ERO1B: variants seen among roughly 807,000 people sequenced by gnomAD.
ERO1B encodes ERO1-like protein beta.
Under a neutral mutation model 75.3 loss-of-function variants are expected in ERO1B, and 49 were observed. The observed-to-expected ratio is 0.65, with a 90% CI of 0.52 to 0.83. ERO1B has a LOEUF of 0.83. Ranked by LOEUF, ERO1B falls within the 40% of genes least tolerant of loss-of-function variation. The pLI is 0.00. For synonymous variants in ERO1B, 191 were observed against 192.9 expected (o/e 0.99, Z 0.08); for missense variants, 512 against 560.1 (o/e 0.91, Z 0.87).
chr1:236,230,483 C>T (rs2102942656), intron 9 of ERO1B, among the ~76,000 whole-genome samples: 1 of 151,380 alleles, frequency 6.6e-6, no homozygotes, highest in African/African-American at 2.4e-5. Context: ...TATGGAGGTG[C>T]AGGCCTGTAA....
chr1:236,222,301 C>T (rs563406770), intron 13 of ERO1B, among the ~76,000 whole-genome samples: 9 of 152,166 alleles, frequency 5.9e-5, no homozygotes, highest in South Asian at 2.1e-4. Context: ...TTAGTAGAGA[C>T]GGGGTTTCGC....
chr1:236,250,601 A>ATATATATATATATATAT (rs1558515525), intron 4 of ERO1B, among the ~76,000 whole-genome samples: 1 of 63,948 alleles, frequency 1.6e-5, no homozygotes, highest in African/African-American at 5.6e-5. Flanking sequence ...ATATATATAT[A>ATATATATATATATATAT]TATATATATA....
intron 5 of ERO1B, 38 bp downstream of exon 5, chr1:236,249,844 CAAT>C (rs776438522): frequency 2.9e-6 from 4 of 1,381,268 alleles, no homozygotes; most frequent in Admixed American, 4.3e-5. Flanking sequence ...TTCTTGATAT[CAAT>C]GAGAATATTT....
chr1:236,224,975 T>C (rs1189352842), intron 13 of ERO1B, 95 bp downstream of exon 13: 4 of 1,159,346 alleles, frequency 3.5e-6, no homozygotes, highest in Non-Finnish European at 5.2e-6. Flanking sequence ...GACAAGAAGC[T>C]GGAAAACTGG....
chr1:236,225,093 T>C lies in ERO1B; in HGVS notation c.1099A>G (p.Lys367Glu). 1.2e-6 allele frequency: 2 copies of C among 1,613,904 alleles called. No homozygotes were observed. Among genetic ancestry groups the C allele is most frequent in the South Asian group, 2.2e-5 (2 of 91,090 alleles). Residue 367 changes from lysine (K) to glutamate (E), a missense_variant, in exon 13 of 16, where the codon AAA (lysine) becomes GAA (glutamate). Lys to Glu is a moderately conservative substitution (Grantham distance 56, BLOSUM62 1). Transcript: ENST00000354619. ...ACCTTTAGTGACTTGGCCCCTTTTT[T>C]GTCACCTGCAAACATGGATTTCTCA... ...FDEKSMFAGD[K>E]KGAKSLKEEF...
rs1272356403 is a variant in ERO1B, at chr1:236,216,025, C to G, written c.*2491G>C. 2.6e-5 allele frequency: 4 copies of G among 152,070 alleles called. No individual in the cohort carries two copies. Among genetic ancestry groups the G allele is most frequent in the Non-Finnish European group, 5.9e-5 (4 of 67,974 alleles). The allele number at this position is 152,070 out of a possible 1,614,324, so 9.4% of individuals were successfully genotyped here. Reference sequence around the variant, plus strand: ...GTGTGGAGTCTTATTCTGTCTGATCCTCCTCATAATCTAAGAATCAAAACA... The same window carrying G: ...GTGTGGAGTCTTATTCTGTCTGATCGTCCTCATAATCTAAGAATCAAAACA... On this transcript the variant is annotated 3_prime_UTR_variant, in exon 16 of 16. Transcript: ENST00000354619.
intron 1 of ERO1B, among the ~76,000 whole-genome samples, chr1:236,278,151 A>C (rs1317150129): frequency 2.6e-5 from 4 of 152,022 alleles, no homozygotes. Flanking sequence ...GAGGTGATGG[A>C]TATTTGCTTT....
At chr1:236,248,690 CAAAAT>C in intron 5 of ERO1B, among the ~76,000 whole-genome samples, 1 of 152,032 alleles carries the variant, frequency 6.6e-6, no homozygotes, top group African/African-American at 2.4e-5. Context: ...ACCATATACA[CAAAAT>C]AAAACTATCT....
intron 15 of ERO1B, among the ~76,000 whole-genome samples, chr1:236,219,104 A>C (rs1281326723): frequency 6.6e-6 from 1 of 152,230 alleles, no homozygotes. Flanking sequence ...GAAATATAAA[A>C]AAGTAATTCT....
At chr1:236,243,323 G>C in intron 6 of ERO1B, 99 bp downstream of exon 6, 1 of 832,240 alleles carries the variant, frequency 1.2e-6, no homozygotes, top group Non-Finnish European at 1.8e-6. Context: ...GCAAAATCCA[G>C]TACTGAAGCT....
chr1:236,256,721 C>CA (rs34346552), intron 2 of ERO1B, among the ~76,000 whole-genome samples: 48,033 of 151,822 alleles, frequency 0.32, 8,233 homozygotes, highest in East Asian at 0.77. Flanking sequence ...TCCAGGTCTT[C>CA]AACTCTCCAT....
intron 2 of ERO1B, among the ~76,000 whole-genome samples, chr1:236,255,917 T>A (rs1749567): frequency 0.25 from 37,749 of 152,110 alleles, 4,876 homozygotes; most frequent in East Asian, 0.38. Context: ...CTGAGTAAAA[T>A]GCAACTCCAT....
intron 2 of ERO1B, among the ~76,000 whole-genome samples, chr1:236,255,727 C>A (rs1248760407): frequency 6.6e-6 from 1 of 152,076 alleles, no homozygotes; most frequent in Non-Finnish European, 1.5e-5. Flanking sequence ...AAACAAAGAA[C>A]CTTAAAACAG....
chr1:236,241,236 T>G (rs147325184), intron 6 of ERO1B, among the ~76,000 whole-genome samples: 1 of 152,200 alleles, frequency 6.6e-6, no homozygotes, highest in Non-Finnish European at 1.5e-5. Context: ...AAAGCTACCC[T>G]GACAGTAATT....
intron 9 of ERO1B, 127 bp downstream of exon 9, chr1:236,232,701 C>CA (rs1664438305): frequency 6.7e-6 from 4 of 597,464 alleles, no homozygotes; most frequent in African/African-American, 4.0e-5. Context: ...GGTCACCATT[C>CA]ATTAGTAGCT....
chr1:236,248,630 T>A (rs1726646), intron 5 of ERO1B, among the ~76,000 whole-genome samples: 37,547 of 151,754 alleles, frequency 0.25, 4,779 homozygotes, highest in East Asian at 0.38. Context: ...CAATGAAAAA[T>A]GTAGCAGAAT....
chr1:236,250,005 C>A, intron 4 of ERO1B, 38 bp from the exon 5 acceptor site: 2 of 1,385,204 alleles, frequency 1.4e-6, no homozygotes, highest in Admixed American at 2.0e-5. Context: ...AAATTATTAC[C>A]TTATTCTTTA....
intron 1 of ERO1B, among the ~76,000 whole-genome samples, chr1:236,277,264 C>T (rs1295386342): frequency 6.6e-6 from 1 of 151,910 alleles, no homozygotes; most frequent in African/African-American, 2.4e-5. Context: ...ATTAGCTGGG[C>T]GTTGTGGCAG....
chr1:236,263,887 T>G (rs2102962743), intron 2 of ERO1B, among the ~76,000 whole-genome samples: 1 of 146,998 alleles, frequency 6.8e-6, no homozygotes, highest in South Asian at 2.3e-4. Flanking sequence ...GTCTCCCAAG[T>G]AGCTGGGACT....
Sources: gnomAD v4.1 joint callset for allele counts (sites outside exome capture counted in the v4.1 genomes callset) on GRCh38, gnomAD v4.1.1 for gene constraint, MANE v1.5 for transcripts, NCBI Gene and HGNC (gene_info 2026-07-23, HGNC 2026-07-21) for gene names.